The following ZNF480 variants were observed in gnomAD, a reference collection of about 807,000 sequenced individuals.
ZNF480 encodes the protein zinc finger protein 480.
A neutral mutation model predicts 14.4 loss-of-function variants in ZNF480; 15 were observed. The ratio of observed to expected loss-of-function variants is 1.04; its 90% CI spans 0.70 to 1.60. ZNF480 has a LOEUF of 1.60. ZNF480 is among the 40% of genes most tolerant of loss of function. The pLI, the probability that ZNF480 is intolerant of heterozygous loss-of-function variation, is 0.00. For missense variants in ZNF480, 593 were observed against 629.7 expected (o/e 0.94, Z 0.62); for synonymous variants, 218 against 215.5 (o/e 1.01, Z -0.10).
chr19:52,300,194 G>A (rs2122510786), intron 1 of ZNF480, among the ~76,000 whole-genome samples, 200 bp from the exon 2 acceptor site: 1 of 152,350 alleles, frequency 6.6e-6, no homozygotes, highest in East Asian at 1.9e-4. Flanking sequence ...ATCTCTAGGA[G>A]GGGAGCAGGT....
intron 2 of ZNF480, among the ~76,000 whole-genome samples, chr19:52,302,928 C>G (rs1022934181): frequency 6.6e-6 from 1 of 152,124 alleles, no homozygotes; most frequent in Non-Finnish European, 1.5e-5. Context: ...AGTTAAAGGT[C>G]CTGGAAAGGG....
At chr19:52,307,489 T>C (rs1481113575) in intron 2 of ZNF480, 2 of 152,198 alleles carry the variant, frequency 1.3e-5, no homozygotes, top group Non-Finnish European at 2.9e-5. Flanking sequence ...TTGAGCCCCA[T>C]GTTAGGCGCC....
At chr19:52,300,743 G>A (rs1360857772) in intron 2 of ZNF480, 5 of 570,842 alleles carry the variant, frequency 8.8e-6, no homozygotes, top group South Asian at 2.4e-5. Flanking sequence ...TGAGAGCTGC[G>A]AACAGGGTTT....
rs199930690 is a variant in ZNF480 at position 52,322,218 on chromosome 19, G to C, written c.968G>C (p.Gly323Ala). 48 of 1,613,538 alleles carry C rather than the reference G, an allele frequency of 3.0e-5. No homozygotes were observed. Among genetic ancestry groups the C allele is most frequent in the Admixed American group, 6.7e-5 (4 of 59,974 alleles). ...TACAAATGTAATGAATGTGGTAAAG[G>C]CTTCAGTCATAAGTCATCTCTAGCA... is the stretch of plus-strand genomic sequence containing the variant. ...KPYKCNECGK[G>A]FSHKSSLANH... The change falls in exon 5 of 5, where the codon GGC becomes GCC. Residue 323 changes from glycine (G) to alanine (A), a missense_variant. Physicochemically the swap from Gly to Ala is moderately conservative, Grantham distance 60. Transcript: ENST00000595962.
chr19:52,301,161 A>AGGATTCG (rs1982674833), intron 2 of ZNF480: 1 of 152,642 alleles, frequency 6.6e-6, no homozygotes, highest in East Asian at 1.9e-4. Flanking sequence ...TACTTCTCAC[A>AGGATTCG]GGATTCGGGA....
At chr19:52,309,076 A>G (rs1208387681) in intron 2 of ZNF480, among the ~76,000 whole-genome samples, 1 of 152,154 alleles carries the variant, frequency 6.6e-6, no homozygotes, top group African/African-American at 2.4e-5. Context: ...AATTATATGT[A>G]TACAGCATTG....
At chr19:52,312,129 C>T (rs1010993225) in intron 2 of ZNF480, among the ~76,000 whole-genome samples, 4 of 150,706 alleles carry the variant, frequency 2.7e-5, no homozygotes, top group African/African-American at 9.8e-5. Context: ...ACATGGGATA[C>T]ATGTGTGTAC....
At chr19:52,299,868 A>G in intron 1 of ZNF480, among the ~76,000 whole-genome samples, 1 of 152,112 alleles carries the variant, frequency 6.6e-6, no homozygotes, top group Non-Finnish European at 1.5e-5. Context: ...TAATTTTTGT[A>G]TTTTTAGTAG....
chr19:52,319,819 T>TG (rs1384677199), intron 4 of ZNF480, among the ~76,000 whole-genome samples: 3 of 102,204 alleles, frequency 2.9e-5, no homozygotes, highest in African/African-American at 9.7e-5. Flanking sequence ...GTGTTTTTTT[T>TG]TTTTTTTTTT....
chr19:52,302,294 C>G (rs1367572737), intron 2 of ZNF480, among the ~76,000 whole-genome samples: 1 of 152,174 alleles, frequency 6.6e-6, no homozygotes, highest in Non-Finnish European at 1.5e-5. Flanking sequence ...TAGGCAGGCT[C>G]AAAAAATTTA....
chr19:52,302,361 C>A (rs186095116), intron 2 of ZNF480, among the ~76,000 whole-genome samples: 1 of 152,176 alleles, frequency 6.6e-6, no homozygotes, highest in South Asian at 2.1e-4. Flanking sequence ...ACTGTTCCCC[C>A]CTTTGTGTTT....
At chr19:52,321,105 G>A (rs1317745814) in intron 4 of ZNF480, among the ~76,000 whole-genome samples, 1 of 151,904 alleles carries the variant, frequency 6.6e-6, no homozygotes, top group Non-Finnish European at 1.5e-5. Flanking sequence ...TTTGGATTAG[G>A]TTTGGTAAAA....
At position 52,304,548 on chromosome 19, in the gene ZNF480, T is replaced by C. The variant is rs1009504494; in HGVS notation, c.72+4064T>C. On this transcript the variant is annotated intron_variant, in intron 2 of 4. Transcript: ENST00000595962. Reference sequence around the variant, plus strand: ...CAAGTTGGTTTATTTGTTAACCATTTTAAAGGTATAGGTTCTGGAGGCTTA... The same window carrying C: ...CAAGTTGGTTTATTTGTTAACCATTCTAAAGGTATAGGTTCTGGAGGCTTA... Among the ~76,000 whole-genome samples, 9 of 152,092 alleles carry C rather than the reference T, an allele frequency of 5.9e-5. No homozygotes were observed. The South Asian group carries it at 1.0e-3, about 18-fold the overall frequency.
rs768598340 is a variant in ZNF480 at position 52,322,639 on chromosome 19, A to T, written c.1389A>T (p.Ala463=). 1 of 1,613,974 alleles carries T rather than the reference A, an allele frequency of 6.2e-7. No individual in the cohort carries two copies. The highest frequency in any genetic ancestry group is 1.7e-5 in the Admixed American group (1 of 59,994). ...ACAAATGTAGTGAATGTGGCAAGGCATTCAGACACAAGTTATCACTAACCA... is the reference window on the plus strand; with the variant it reads ...ACAAATGTAGTGAATGTGGCAAGGCTTTCAGACACAAGTTATCACTAACCA... The part of the protein sequence containing the change: ...KPYKCSECGK[A]FRHKLSLTNH... Residue 463 remains alanine (A), a synonymous_variant, in exon 5 of 5, where the codon GCA becomes GCT. Coordinates refer to ENST00000595962, the MANE Select transcript of ZNF480 (RefSeq NM_144684.4).
At chr19:52,319,269 G>A (rs1437615737) in intron 4 of ZNF480, among the ~76,000 whole-genome samples, 4 of 152,084 alleles carry the variant, frequency 2.6e-5, no homozygotes, top group Non-Finnish European at 1.5e-5. Context: ...TTTCTTGTTG[G>A]ACAGGTCTAG....
Position 52,322,739 on chromosome 19 carries a change from C to A in ZNF480, c.1489C>A (p.His497Asn). 6.2e-7 allele frequency: 1 copy of A among 1,612,340 alleles called. No homozygotes were observed. The highest frequency in any genetic ancestry group is 8.5e-7 in the Non-Finnish European group (1 of 1,179,240). The part of the protein sequence containing the change: ...ECGKVFNRIA[H>N]LARHRKIHTG... ...TGGCAAGGTCTTCAATCGAATTGCA[C>A]ACCTTGCACGACATCGGAAAATTCA... The change falls in exon 5 of 5, where the codon CAC becomes AAC. Residue 497 changes from histidine to asparagine, a missense_variant. Coordinates refer to ENST00000595962, the MANE Select transcript of ZNF480 (RefSeq NM_144684.4).
At chr19:52,310,991 C>T (rs1192568825) in intron 2 of ZNF480, among the ~76,000 whole-genome samples, 4 of 116,914 alleles carry the variant, frequency 3.4e-5, no homozygotes, top group South Asian at 5.2e-4. Flanking sequence ...GGTGACAGAG[C>T]GAGATTCCGC....
At chr19:52,321,314 CAGA>C (rs772742038) in intron 4 of ZNF480, among the ~76,000 whole-genome samples, 1 of 152,088 alleles carries the variant, frequency 6.6e-6, no homozygotes, top group Admixed American at 6.6e-5. Context: ...TTCTTTTTCT[CAGA>C]AGGTTTCAAT....
rs1172554902 is a variant in ZNF480 at position 52,323,283 on chromosome 19, T to C, written c.*425T>C. 6.5e-6 allele frequency: 1 copy of C among 154,108 alleles called. No individual in the cohort carries two copies. Among genetic ancestry groups the C allele is most frequent in the Non-Finnish European group, 1.4e-5 (1 of 69,634 alleles). 9.5% of individuals were successfully genotyped at this position (154,108 alleles called of 1,614,324 possible). On this transcript the variant is annotated 3_prime_UTR_variant, in exon 5 of 5. Coordinates refer to ENST00000595962, the MANE Select transcript of ZNF480 (RefSeq NM_144684.4). ...GAAATTGCATCCCTGAACAGACCAA[T>C]AATGAGTTCCAAAATTTAATCACTA...
Sources: gnomAD v4.1 joint callset for allele counts (sites outside exome capture counted in the v4.1 genomes callset) on GRCh38, gnomAD v4.1.1 for gene constraint, MANE v1.5 for transcripts, NCBI Gene and HGNC (gene_info 2026-07-23, HGNC 2026-07-21) for gene names.